NT5DC1: variants seen among roughly 807,000 people sequenced by gnomAD.
The protein encoded by NT5DC1 is 5'-nucleotidase domain-containing protein 1.
A neutral mutation model predicts 59.4 loss-of-function variants in NT5DC1; 42 were observed. The observed-to-expected ratio is 0.71, with a 90% CI of 0.55 to 0.92. The LOEUF (loss-of-function observed/expected upper bound fraction) is 0.92. NT5DC1 is among the 40% of genes least tolerant of loss of function. NT5DC1 has a pLI of 0.00. For synonymous variants in NT5DC1, 172 were observed against 188.1 expected (o/e 0.91, Z 0.70); for missense variants, 501 against 537.1 (o/e 0.93, Z 0.66).
chr6:116,125,733 A>G, intron 6 of NT5DC1: 1 of 360,060 alleles, frequency 2.8e-6, no homozygotes, highest in Non-Finnish European at 5.1e-6. Context: ...AAATAAAATG[A>G]TTTACCTAAA....
chr6:116,138,876 T>C (rs184560824), intron 6 of NT5DC1, among the ~76,000 whole-genome samples: 3 of 152,290 alleles, frequency 2.0e-5, no homozygotes, highest in Admixed American at 2.0e-4. Flanking sequence ...TTTTCAGTCT[T>C]GCTTTTGGTT....
At chr6:116,141,900 AC>A (rs1223122129) in intron 6 of NT5DC1, among the ~76,000 whole-genome samples, 1 of 150,902 alleles carries the variant, frequency 6.6e-6, no homozygotes, top group African/African-American at 2.4e-5. Flanking sequence ...ACACACACAC[AC>A]ACACACACAC....
intron 6 of NT5DC1, among the ~76,000 whole-genome samples, chr6:116,203,057 A>G (rs1781378935): frequency 6.6e-6 from 1 of 151,986 alleles, no homozygotes. Context: ...AGATTATGAT[A>G]TTAAACATTT....
intron 6 of NT5DC1, among the ~76,000 whole-genome samples, chr6:116,204,060 T>C (rs1247576093): frequency 6.6e-6 from 1 of 151,796 alleles, no homozygotes; most frequent in Non-Finnish European, 1.5e-5. Context: ...CTGACCCAGC[T>C]CACTTTGGGC....
chr6:116,123,320 A>G (rs1779192044), intron 6 of NT5DC1, among the ~76,000 whole-genome samples: 1 of 152,224 alleles, frequency 6.6e-6, no homozygotes, highest in African/African-American at 2.4e-5. Context: ...TCTCAGTGCG[A>G]GAAAGAATTT....
At chr6:116,168,381 C>G (rs1178645502) in intron 6 of NT5DC1, among the ~76,000 whole-genome samples, 3 of 151,928 alleles carry the variant, frequency 2.0e-5, no homozygotes, top group Non-Finnish European at 4.4e-5. Flanking sequence ...GCTTATAAAC[C>G]TATCCATTGA....
rs936240360 is a variant in NT5DC1, at chr6:116,107,635, C to T, written c.186-729C>T. ...TCGCCCAGGCTGGAGTGCAGTGGCG[C>T]GATCTCGGCTCACTGCAAGCTCTGC... On this transcript the variant is annotated intron_variant, in intron 2 of 11. Transcript: ENST00000319550. Among the ~76,000 whole-genome samples the T allele has an allele frequency of 8.6e-5, 13 of 150,932 alleles. No individual in the cohort carries two copies. In the East Asian group the frequency reaches 1.6e-3, roughly 18 times the overall value.
At chr6:116,195,675 G>C (rs1285990845) in intron 6 of NT5DC1, among the ~76,000 whole-genome samples, 1 of 151,964 alleles carries the variant, frequency 6.6e-6, no homozygotes, top group East Asian at 1.9e-4. Context: ...GGTTGGAAAA[G>C]GCACATCTTT....
intron 3 of NT5DC1, 154 bp from the exon 4 acceptor site, chr6:116,110,696 A>G: frequency 1.4e-6 from 1 of 704,750 alleles, no homozygotes; most frequent in East Asian, 2.7e-5. Flanking sequence ...AATGCTTTAC[A>G]GAATCCTAAA....
intron 6 of NT5DC1, chr6:116,125,737 A>G (rs987031624): frequency 1.4e-5 from 5 of 349,676 alleles, no homozygotes; most frequent in African/African-American, 8.5e-5. Flanking sequence ...AAAATGATTT[A>G]CCTAAAGGAA....
At chr6:116,191,607 AT>A (rs2114492763) in intron 6 of NT5DC1, among the ~76,000 whole-genome samples, 1 of 152,210 alleles carries the variant, frequency 6.6e-6, no homozygotes, top group South Asian at 2.1e-4. Context: ...GATACCACCA[AT>A]TATATGAAAT....
chr6:116,103,575 C>T (rs1368608971), intron 1 of NT5DC1, among the ~76,000 whole-genome samples: 1 of 152,050 alleles, frequency 6.6e-6, no homozygotes, highest in Admixed American at 6.6e-5. Context: ...TGAGCAACAG[C>T]ACCGGGAACT....
intron 6 of NT5DC1, among the ~76,000 whole-genome samples, chr6:116,178,054 TGTGTGTG>T (rs1009433204): frequency 1.7e-5 from 1 of 59,490 alleles, no homozygotes; most frequent in African/African-American, 1.5e-4. Context: ...AAGAGGAAAG[TGTGTGTG>T]TGTGTGTGTG....
chr6:116,203,216 CTGAT>C (rs1307498001), intron 6 of NT5DC1, among the ~76,000 whole-genome samples: 1 of 151,906 alleles, frequency 6.6e-6, no homozygotes, highest in African/African-American at 2.4e-5. Flanking sequence ...TCTTTCATTT[CTGAT>C]TTAACACTTG....
intron 6 of NT5DC1, among the ~76,000 whole-genome samples, chr6:116,148,846 A>G (rs1779963007): frequency 6.6e-6 from 1 of 152,186 alleles, no homozygotes; most frequent in South Asian, 2.1e-4. Flanking sequence ...AGTAAAGCAT[A>G]ACAGGGAAAA....
At chr6:116,118,057 A>G (rs515745) in intron 6 of NT5DC1, 112 bp downstream of exon 6, 381,117 of 705,458 alleles carry the variant, frequency 0.54, 107,267 homozygotes, top group African/African-American at 0.86. Flanking sequence ...GATTTAATTT[A>G]AGCTTAAATA....
chr6:116,196,431 A>AT (rs1254790305), intron 6 of NT5DC1, among the ~76,000 whole-genome samples: 2 of 151,978 alleles, frequency 1.3e-5, no homozygotes, highest in Non-Finnish European at 1.5e-5. Context: ...TCTTTTCTAA[A>AT]TTTTTCCCCA....
At chr6:116,112,495 T>G (rs576104694) in intron 4 of NT5DC1, among the ~76,000 whole-genome samples, 22 of 152,210 alleles carry the variant, frequency 1.4e-4, no homozygotes, top group Non-Finnish European at 2.9e-4. Context: ...TGTCCTATTT[T>G]TTAAAGGTAT....
At chr6:116,147,161 C>A (rs1779919521) in intron 6 of NT5DC1, among the ~76,000 whole-genome samples, 1 of 151,484 alleles carries the variant, frequency 6.6e-6, no homozygotes, top group Admixed American at 6.6e-5. Context: ...CAAACTGGGA[C>A]CAGGCATGGT....
Sources: gnomAD v4.1 joint callset for allele counts (sites outside exome capture counted in the v4.1 genomes callset) on GRCh38, gnomAD v4.1.1 for gene constraint, MANE v1.5 for transcripts, NCBI Gene and HGNC (gene_info 2026-07-23, HGNC 2026-07-21) for gene names.